Variants in LRRC37A2 observed in about 807,000 individuals in gnomAD.
LRRC37A2 encodes leucine rich repeat containing 37 member A2, also known as leucine-rich repeat-containing protein 37A2.
LRRC37A2 carries 9 observed loss-of-function variants against 68.8 expected under a neutral mutation model. The observed-to-expected ratio is 0.13, with a 90% CI of 0.08 to 0.23. LRRC37A2 has a LOEUF of 0.23. LRRC37A2 is among the 10% of genes least tolerant of loss of function. The pLI is 1.00. For missense variants in LRRC37A2, 168 were observed against 950.4 expected (o/e 0.18, Z 10.82); for synonymous variants, 63 against 367.6 (o/e 0.17, Z 9.48).
chr17:46,940,859 A>G, the LRRC37A2 span: 60 of 1,432,178 alleles, frequency 4.2e-5, no homozygotes, highest in Non-Finnish European at 5.2e-5. Flanking sequence ...ACCCAGGGGC[A>G]TTGAGACTGC....
At chr17:46,729,809 C>T in the LRRC37A2 span, among the ~76,000 whole-genome samples, 8 of 151,804 alleles carry the variant, frequency 5.3e-5, no homozygotes, top group Non-Finnish European at 1.0e-4. Context: ...TATATATGTG[C>T]GTGTATTTTG....
At chr17:46,735,819 C>G in the LRRC37A2 span, among the ~76,000 whole-genome samples, 1 of 152,048 alleles carries the variant, frequency 6.6e-6, no homozygotes, top group Non-Finnish European at 1.5e-5. Flanking sequence ...GTGGTGTGCA[C>G]CTGTAATCCC....
chr17:46,913,706 G>A, the LRRC37A2 span, among the ~76,000 whole-genome samples: 171 of 152,278 alleles, frequency 1.1e-3, 1 homozygote, highest in African/African-American at 3.9e-3. Context: ...AGACACCAGG[G>A]TGCCATCAAA....
chr17:46,964,839 G>GA, the LRRC37A2 span: 2 of 152,148 alleles, frequency 1.3e-5, no homozygotes, highest in Admixed American at 6.5e-5. Flanking sequence ...GACAAGAAAA[G>GA]AAAAAAGGAG....
At chr17:46,968,273 C>T in the LRRC37A2 span, among the ~76,000 whole-genome samples, 1 of 152,186 alleles carries the variant, frequency 6.6e-6, no homozygotes, top group African/African-American at 2.4e-5. Context: ...CCAGCCTCTT[C>T]CTCTCCCTCC....
chr17:46,794,373 G>A, the LRRC37A2 span, among the ~76,000 whole-genome samples: 173 of 152,286 alleles, frequency 1.1e-3, no homozygotes, highest in African/African-American at 3.8e-3. Flanking sequence ...AGAAGCCCAG[G>A]CCCTATATGC....
chr17:46,923,508 G>A, the LRRC37A2 span: 5 of 1,383,370 alleles, frequency 3.6e-6, no homozygotes, highest in South Asian at 5.4e-5. Flanking sequence ...GGCACCTGCA[G>A]GTTATAAAAC....
the LRRC37A2 span, among the ~76,000 whole-genome samples, chr17:46,962,703 ACT>A: frequency 6.6e-6 from 1 of 152,162 alleles, no homozygotes; most frequent in African/African-American, 2.4e-5. Flanking sequence ...GGTGCCAGAC[ACT>A]CTAGCCAGCC....
chr17:46,874,896 G>A, the LRRC37A2 span: 1 of 770,648 alleles, frequency 1.3e-6, no homozygotes. Flanking sequence ...CCATTTAAAT[G>A]GCAACTTGCA....
the LRRC37A2 span, among the ~76,000 whole-genome samples, chr17:46,986,415 A>G: frequency 1.3e-5 from 2 of 152,214 alleles, no homozygotes; most frequent in African/African-American, 4.8e-5. Context: ...TATTATTTAT[A>G]ATAAGGTCCT....
the LRRC37A2 span, among the ~76,000 whole-genome samples, chr17:46,765,508 G>A: frequency 3.3e-5 from 5 of 152,372 alleles, no homozygotes; most frequent in East Asian, 1.9e-4. Flanking sequence ...TCTCCTCACC[G>A]TGTGGAGGGC....
At chr17:46,501,584 T>G in the LRRC37A2 span, among the ~76,000 whole-genome samples, 1 of 151,268 alleles carries the variant, frequency 6.6e-6, no homozygotes, top group East Asian at 1.9e-4. Flanking sequence ...AGTCACAAAC[T>G]GCCTATTTGG....
chr17:46,714,011 A>G, the LRRC37A2 span: 1 of 1,595,054 alleles, frequency 6.3e-7, no homozygotes, highest in Non-Finnish European at 8.5e-7. Context: ...CTTTCATTTT[A>G]ATTTCCTATC....
chr17:46,736,438 G>A, the LRRC37A2 span, among the ~76,000 whole-genome samples: 1 of 152,196 alleles, frequency 6.6e-6, no homozygotes, highest in Non-Finnish European at 1.5e-5. Context: ...GCAGATCTTT[G>A]GAGATTTCCT....
the LRRC37A2 span, among the ~76,000 whole-genome samples, chr17:46,785,635 G>A: frequency 1.3e-5 from 2 of 152,324 alleles, no homozygotes; most frequent in Non-Finnish European, 1.5e-5. Flanking sequence ...GGGGCCTTCC[G>A]AGGAGGTGGC....
chr17:46,657,215 A>G, the LRRC37A2 span, among the ~76,000 whole-genome samples: 1 of 102,770 alleles, frequency 9.7e-6, no homozygotes, highest in South Asian at 4.4e-4. Context: ...TGGAAGTAGA[A>G]TTGCTGAATC....
the LRRC37A2 span, among the ~76,000 whole-genome samples, chr17:46,737,431 C>G: frequency 6.6e-6 from 1 of 152,194 alleles, no homozygotes; most frequent in Non-Finnish European, 1.5e-5. Context: ...AGGTATTTCT[C>G]TAGCAACCCT....
At chr17:46,893,560 G>T in the LRRC37A2 span, among the ~76,000 whole-genome samples, 1 of 152,120 alleles carries the variant, frequency 6.6e-6, no homozygotes, top group South Asian at 2.1e-4. Context: ...TGGGTGGAGG[G>T]TGTCTGCCTG....
chr17:46,773,648 C>A, the LRRC37A2 span: 114 of 1,531,266 alleles, frequency 7.4e-5, 1 homozygote, highest in Non-Finnish European at 8.6e-5. Context: ...CCTCCCCCCC[C>A]CTCAGCCCCA....
Sources: gnomAD v4.1 joint callset for allele counts (sites outside exome capture counted in the v4.1 genomes callset) on GRCh38, gnomAD v4.1.1 for gene constraint, MANE v1.5 for transcripts, NCBI Gene and HGNC (gene_info 2026-07-23, HGNC 2026-07-21) for gene names.